SFI1: variants seen among roughly 807,000 people sequenced by gnomAD.
The protein encoded by SFI1 is SFI1 centrin binding protein.
SFI1 carries 195 observed loss-of-function variants against 207.5 expected under a neutral mutation model. The observed-to-expected ratio is 0.94, with a 90% CI of 0.84 to 1.06. The LOEUF (loss-of-function observed/expected upper bound fraction) is 1.06. Among genes scored for constraint, SFI1 ranks in the 50% least tolerant of loss-of-function variants. The pLI is 0.00. For missense variants in SFI1, 1,634 were observed against 1,588.0 expected (o/e 1.03, Z -0.49); for synonymous variants, 630 against 598.9 (o/e 1.05, Z -0.76).
chr22:31,565,381 GC>G, intron 8 of SFI1, among the ~76,000 whole-genome samples: 1 of 151,878 alleles, frequency 6.6e-6, no homozygotes, highest in Non-Finnish European at 1.5e-5. Context: ...GCTAGCCTGG[GC>G]AATATAATGA....
intron 5 of SFI1, among the ~76,000 whole-genome samples, chr22:31,549,830 CTT>C (rs555982116): frequency 1.0e-4 from 14 of 136,218 alleles, no homozygotes; most frequent in African/African-American, 1.3e-4. Flanking sequence ...GCAGATATGG[CTT>C]TTTTTTTTTT....
In SFI1 at chr22:31,615,043, C is replaced by T. The variant is rs1444336972; in HGVS notation, c.3069-5C>T. 4 of 1,611,342 alleles carry T rather than the reference C, an allele frequency of 2.5e-6. No individual in the cohort carries two copies. Among genetic ancestry groups the T allele is most frequent in the Non-Finnish European group, 3.4e-6 (4 of 1,179,262 alleles). ...TGACCAGGCTCTTGCCTTCCCTGTG[C>T]TCAGGCCTCAGAAGCCACAGGAACA... On this transcript the variant is annotated splice_polypyrimidine_tract_variant and splice_region_variant and intron_variant, in intron 28 of 32. Transcript: ENST00000400288.
intron 1 of SFI1, 71 bp from the exon 2 acceptor site, chr22:31,508,184 A>G (rs2413054): frequency 0.93 from 763,737 of 823,286 alleles, 354,791 homozygotes; most frequent in East Asian, 0.99. Context: ...GAGCTGGCAT[A>G]TAGTTCAGAA....
At chr22:31,524,806 A>AT (rs112957515) in intron 2 of SFI1, among the ~76,000 whole-genome samples, 20 of 143,368 alleles carry the variant, frequency 1.4e-4, no homozygotes, top group South Asian at 4.4e-4. Context: ...TTGTAATCCC[A>AT]TTTTTTTTTA....
chr22:31,615,185 G>A lies in SFI1; in HGVS notation c.3206G>A (p.Gly1069Asp), dbSNP rs1265900880. Reference sequence around the variant, plus strand: ...CCTGGGGCCCTGTCAAGCGCCCCTGGCCCGAAGCAGCCCCCGACGGCAAGC... The same window carrying A: ...CCTGGGGCCCTGTCAAGCGCCCCTGACCCGAAGCAGCCCCCGACGGCAAGC... ...PLPGALSSAPGPKQPPTASTG... is the reference protein window; with the variant it reads ...PLPGALSSAPDPKQPPTASTG... The change falls in exon 29 of 33, where the codon GGC becomes GAC. Residue 1069 changes from glycine (G) to aspartate (D), a missense_variant. Physicochemically the swap from Gly to Asp is moderately conservative, Grantham distance 94 (BLOSUM62 -1). Coordinates refer to ENST00000400288, the MANE Select transcript of SFI1 (RefSeq NM_001007467.3). 1 of 1,591,596 alleles carries A rather than the reference G, an allele frequency of 6.3e-7. No individual in the cohort carries two copies. The highest frequency in any genetic ancestry group is 1.8e-5 in the Admixed American group (1 of 55,884).
At chr22:31,536,983 C>T (rs1465361261) in intron 4 of SFI1, among the ~76,000 whole-genome samples, 2 of 151,788 alleles carry the variant, frequency 1.3e-5, no homozygotes, top group East Asian at 3.9e-4. Context: ...CTCCTGCACT[C>T]AAGCGATCCT....
chr22:31,529,939 G>C (rs2058303308), intron 3 of SFI1, among the ~76,000 whole-genome samples: 1 of 151,912 alleles, frequency 6.6e-6, no homozygotes, highest in African/African-American at 2.4e-5. Flanking sequence ...GGGAGGCCGA[G>C]GCGGGTGGAT....
At chr22:31,533,304 G>A (rs2147463985) in intron 4 of SFI1, among the ~76,000 whole-genome samples, 1 of 152,300 alleles carries the variant, frequency 6.6e-6, no homozygotes, top group Non-Finnish European at 1.5e-5. Flanking sequence ...AAGACAGGCG[G>A]ATTACTTGAG....
chr22:31,559,523 G>A (rs970527298), intron 7 of SFI1: 8 of 552,798 alleles, frequency 1.4e-5, no homozygotes, highest in African/African-American at 1.3e-4. Context: ...CGTATTTTGC[G>A]AATACTCAAC....
intron 1 of SFI1, among the ~76,000 whole-genome samples, chr22:31,503,460 A>G (rs2054129927): frequency 6.6e-6 from 1 of 151,984 alleles, no homozygotes; most frequent in Admixed American, 6.6e-5. Context: ...ATGTCCTATA[A>G]TCGCTTCTGT....
chr22:31,571,783 T>G (rs2062980148), intron 8 of SFI1, among the ~76,000 whole-genome samples: 1 of 152,144 alleles, frequency 6.6e-6, no homozygotes, highest in Admixed American at 6.6e-5. Flanking sequence ...TTCCAAGAAA[T>G]TTAATATTGA....
At chr22:31,568,571 G>A (rs1340949075) in intron 8 of SFI1, among the ~76,000 whole-genome samples, 1 of 146,844 alleles carries the variant, frequency 6.8e-6, no homozygotes, top group African/African-American at 2.5e-5. Flanking sequence ...TAGAAGCAGT[G>A]ACAGTAATAT....
In SFI1 at chr22:31,557,040, A is replaced by C; in HGVS notation, c.643A>C (p.Arg215=). 6.2e-7 allele frequency: 1 copy of C among 1,606,984 alleles called. No individual in the cohort carries two copies. Among genetic ancestry groups the C allele is most frequent in the Non-Finnish European group, 8.5e-7 (1 of 1,175,590 alleles). ...LQMQTTALEF[R]QRIILRVWWS... is the part of the protein sequence containing the mutation. ...GATGCAGACTACAGCTCTGGAGTTT[A>C]GGCAACGGATTATCTTACGGTGAGT... The change falls in exon 7 of 33, where the codon AGG becomes CGG. Residue 215 remains arginine (R), a synonymous_variant. Transcript: ENST00000400288.
At chr22:31,581,709 T>G (rs1603180308) in intron 12 of SFI1, among the ~76,000 whole-genome samples, 1 of 152,280 alleles carries the variant, frequency 6.6e-6, no homozygotes, top group African/African-American at 2.4e-5. Context: ...ACTTTCTTGG[T>G]GTAGGATTTT....
chr22:31,593,253 G>A (rs2066426231), intron 15 of SFI1, among the ~76,000 whole-genome samples: 1 of 148,856 alleles, frequency 6.7e-6, no homozygotes, highest in Non-Finnish European at 1.5e-5. Flanking sequence ...GTGGTTGCCA[G>A]GCAGAGGGTC....
intron 8 of SFI1, among the ~76,000 whole-genome samples, chr22:31,571,505 G>A (rs1172277932): frequency 2.0e-5 from 3 of 150,810 alleles, no homozygotes; most frequent in African/African-American, 7.3e-5. Flanking sequence ...GGTAGAGACA[G>A]AGTTTCGCCA....
intron 8 of SFI1, among the ~76,000 whole-genome samples, chr22:31,564,814 A>AT (rs776647555): frequency 1.3e-3 from 150 of 111,892 alleles, no homozygotes; most frequent in Middle Eastern, 6.1e-3. Context: ...CTGGCCCAGA[A>AT]TTTTTTTTTT....
chr22:31,554,372 G>A (rs527428304), intron 6 of SFI1, among the ~76,000 whole-genome samples: 150 of 151,890 alleles, frequency 9.9e-4, no homozygotes, highest in African/African-American at 3.4e-3. Flanking sequence ...GCAGTGGCAC[G>A]ATCTCGGCTC....
intron 15 of SFI1, among the ~76,000 whole-genome samples, chr22:31,594,699 C>A (rs1164152207): frequency 6.7e-6 from 1 of 149,782 alleles, no homozygotes; most frequent in African/African-American, 2.5e-5. Flanking sequence ...GCTAAAAATA[C>A]AAAAAATTAG....
Sources: gnomAD v4.1 joint callset for allele counts (sites outside exome capture counted in the v4.1 genomes callset) on GRCh38, gnomAD v4.1.1 for gene constraint, MANE v1.5 for transcripts, NCBI Gene and HGNC (gene_info 2026-07-23, HGNC 2026-07-21) for gene names.